The following EXOC6 variants were observed in gnomAD, a reference collection of about 807,000 sequenced individuals.
The protein encoded by EXOC6 is exocyst complex component 6.
A neutral mutation model predicts 112.5 loss-of-function variants in EXOC6; 60 were observed. The ratio of observed to expected loss-of-function variants is 0.53; its 90% CI spans 0.43 to 0.66. EXOC6 has a LOEUF of 0.66. Among genes scored for constraint, EXOC6 ranks in the 30% least tolerant of loss-of-function variants. EXOC6 has a pLI of 0.00. For missense variants in EXOC6, 855 were observed against 957.1 expected, an observed-to-expected ratio of 0.89 and a Z score of 1.41; for synonymous variants, 295 against 308.0, an observed-to-expected ratio of 0.96 and a Z score of 0.44.
intron 20 of EXOC6, among the ~76,000 whole-genome samples, chr10:93,040,431 T>C (rs1200406458): frequency 6.6e-6 from 1 of 152,136 alleles, no homozygotes; most frequent in African/African-American, 2.4e-5. Flanking sequence ...GTATTTTTAG[T>C]AGAGGCGGGG....
chr10:92,956,743 G>A (rs764369216), intron 17 of EXOC6, among the ~76,000 whole-genome samples: 1 of 152,004 alleles, frequency 6.6e-6, no homozygotes, highest in Non-Finnish European at 1.5e-5. Flanking sequence ...AAAAAAGCAG[G>A]CATTCATTTA....
upstream of EXOC6, chr10:92,848,418 G>C: frequency 1.2e-6 from 1 of 869,374 alleles, no homozygotes; most frequent in Non-Finnish European, 1.4e-6. Context: ...GCGCCCCCGC[G>C]CCGCCGGCCC....
chr10:92,862,185 GCTTT>G (rs1183336355), intron 1 of EXOC6, among the ~76,000 whole-genome samples: 2 of 152,148 alleles, frequency 1.3e-5, no homozygotes, highest in Admixed American at 1.3e-4. Flanking sequence ...CCAGTTTTCT[GCTTT>G]CTATGATTTT....
intron 1 of EXOC6, among the ~76,000 whole-genome samples, chr10:92,853,889 A>T (rs964603480): frequency 2.6e-5 from 4 of 152,014 alleles, no homozygotes; most frequent in Non-Finnish European, 5.9e-5. Context: ...GATAAATTGG[A>T]CTTTATTTAT....
At chr10:92,935,786 T>C in intron 11 of EXOC6, 28 bp from the exon 12 acceptor site, 2 of 1,508,486 alleles carry the variant, frequency 1.3e-6, no homozygotes, top group Admixed American at 1.7e-5. Context: ...GTCGGTGTTT[T>C]GTTTTGTTTG....
chr10:92,831,088 A>G (rs1846466913), upstream of EXOC6, among the ~76,000 whole-genome samples: 1 of 152,242 alleles, frequency 6.6e-6, no homozygotes, highest in South Asian at 2.1e-4. Context: ...AATAAAAGGA[A>G]GATGCTGGTT....
chr10:92,914,653 C>T (rs764809033), intron 6 of EXOC6, among the ~76,000 whole-genome samples: 1 of 152,120 alleles, frequency 6.6e-6, no homozygotes, highest in Non-Finnish European at 1.5e-5. Context: ...CCAGTACCAG[C>T]CTCTAGGGGG....
chr10:92,996,667 T>C (rs1391108474), intron 18 of EXOC6, among the ~76,000 whole-genome samples: 3 of 152,034 alleles, frequency 2.0e-5, no homozygotes, highest in Non-Finnish European at 2.9e-5. Context: ...AGCTGTGTAA[T>C]GCAGAGGCTA....
chr10:92,964,950 G>T (rs1045381739), intron 17 of EXOC6, among the ~76,000 whole-genome samples: 1 of 152,138 alleles, frequency 6.6e-6, no homozygotes, highest in Non-Finnish European at 1.5e-5. Context: ...GTCATGTCCT[G>T]TCATCTAAAG....
chr10:92,872,282 T>C (rs2133728314), intron 1 of EXOC6, among the ~76,000 whole-genome samples: 1 of 152,228 alleles, frequency 6.6e-6, no homozygotes, highest in South Asian at 2.1e-4. Flanking sequence ...TTTTATAACT[T>C]TCCAAGTATG....
intron 1 of EXOC6, among the ~76,000 whole-genome samples, chr10:92,857,281 T>C (rs993057939): frequency 6.6e-6 from 1 of 152,096 alleles, no homozygotes; most frequent in African/African-American, 2.4e-5. Flanking sequence ...AAGTTAGTTC[T>C]TAGTGGTTGC....
intron 4 of EXOC6, among the ~76,000 whole-genome samples, chr10:92,896,147 G>GTGTGTGTGTGTGTA (rs1432410468): frequency 4.1e-5 from 1 of 24,486 alleles, no homozygotes; most frequent in African/African-American, 2.3e-4. Context: ...GTATGTATGT[G>GTGTGTGTGTGTGTA]TATATATATA....
intron 19 of EXOC6, among the ~76,000 whole-genome samples, chr10:93,009,057 A>G (rs1436718542): frequency 6.6e-6 from 1 of 152,036 alleles, no homozygotes; most frequent in African/African-American, 2.4e-5. Context: ...GTCTCTACAG[A>G]AAATAAAAAA....
At chr10:92,981,184 G>T (rs2070193111) in intron 18 of EXOC6, among the ~76,000 whole-genome samples, 1 of 152,124 alleles carries the variant, frequency 6.6e-6, no homozygotes, top group Non-Finnish European at 1.5e-5. Flanking sequence ...TAAACCAGAA[G>T]AATTTTTAAA....
chr10:92,968,605 A>G (rs1842161439), intron 17 of EXOC6, among the ~76,000 whole-genome samples: 1 of 152,188 alleles, frequency 6.6e-6, no homozygotes, highest in Admixed American at 6.5e-5. Flanking sequence ...ATTGTGATAT[A>G]TTAATAGTCT....
At chr10:92,869,881 C>G (rs1293932121) in intron 1 of EXOC6, among the ~76,000 whole-genome samples, 3 of 147,664 alleles carry the variant, frequency 2.0e-5, no homozygotes, top group Admixed American at 1.3e-4. Flanking sequence ...CAGGGGGCAT[C>G]TTTTTTTCCT....
intron 6 of EXOC6, among the ~76,000 whole-genome samples, chr10:92,909,868 C>G (rs1294971724): frequency 6.6e-6 from 1 of 152,180 alleles, no homozygotes; most frequent in Non-Finnish European, 1.5e-5. Context: ...GAACTCTCAG[C>G]ATTCTTCTCC....
intron 20 of EXOC6, among the ~76,000 whole-genome samples, chr10:93,027,291 GCCATCT>G (rs1445521530): frequency 6.6e-6 from 1 of 152,216 alleles, no homozygotes; most frequent in African/African-American, 2.4e-5. Context: ...AAGGAAAGAA[GCCATCT>G]CCATAACATA....
At chr10:92,988,516 A>T (rs775794168) in intron 18 of EXOC6, among the ~76,000 whole-genome samples, 1 of 152,166 alleles carries the variant, frequency 6.6e-6, no homozygotes, top group Non-Finnish European at 1.5e-5. Flanking sequence ...ACTTCAGTCC[A>T]TCCTATATAC....
Sources: allele counts gnomAD v4.1 joint callset (sites outside exome capture counted in the v4.1 genomes callset), GRCh38; gene constraint gnomAD v4.1.1; transcripts MANE v1.5; gene names NCBI Gene and HGNC (gene_info 2026-07-23, HGNC 2026-07-21).